ICA1: variants seen among roughly 807,000 people sequenced by gnomAD.
ICA1 encodes the protein islet cell autoantigen 1, also known as 69 kDa islet cell autoantigen.
In ICA1, 40 loss-of-function variants were observed where a neutral mutation model predicts 71.0. That is an observed-to-expected ratio of 0.56 (90% CI 0.44 to 0.73). ICA1 has a LOEUF of 0.73. ICA1 is among the 30% of genes least tolerant of loss of function. The probability of loss-of-function intolerance (pLI) is 0.00; values close to 1 mark genes in which losing one functional copy is unlikely to be tolerated. For synonymous variants in ICA1, 207 were observed against 209.5 expected (o/e 0.99, Z 0.10); for missense variants, 578 against 576.5 (o/e 1.00, Z -0.03).
intron 1 of ICA1, among the ~76,000 whole-genome samples, chr7:8,240,401 C>T (rs1393066030): frequency 6.6e-6 from 1 of 152,106 alleles, no homozygotes; most frequent in South Asian, 2.1e-4. Flanking sequence ...CACACCAAAA[C>T]CCCATCTGTA....
At chr7:8,181,641 C>T (rs950081043) in intron 6 of ICA1, among the ~76,000 whole-genome samples, 2 of 152,098 alleles carry the variant, frequency 1.3e-5, no homozygotes, top group African/African-American at 4.8e-5. Flanking sequence ...CTTTAATTTT[C>T]CTAAGCAATG....
In ICA1 at chr7:8,122,759, G is replaced by A. The variant is rs550104137; in HGVS notation, c.1330+5114C>T. On this transcript the variant is annotated intron_variant, in intron 13 of 13. Transcript: ENST00000402384. ...AGTGGAAATCCATCTAAATGGCAACGGCATCTCAGAATTCGGTAAAACAAA... is the reference window on the plus strand; with the variant it reads ...AGTGGAAATCCATCTAAATGGCAACAGCATCTCAGAATTCGGTAAAACAAA... Among the ~76,000 whole-genome samples, 109 of 152,304 alleles carry A rather than the reference G, an allele frequency of 7.2e-4. 1 individual carries two copies. Among genetic ancestry groups the A allele is most frequent in the African/African-American group, 2.1e-3 (88 of 41,564 alleles).
At chr7:8,257,263 T>A (rs11760721) in intron 1 of ICA1, among the ~76,000 whole-genome samples, 1,910 of 152,336 alleles carry the variant, frequency 0.013, 18 homozygotes, top group Non-Finnish European at 0.021. Flanking sequence ...TATCAGCTTC[T>A]TGGTTTCTGG....
At position 8,144,246 on chromosome 7, in the gene ICA1, T is replaced by G. The variant is rs1021584493; in HGVS notation, c.805-274A>C. The stretch of plus-strand genomic sequence containing the variant: ...GCCACAAGATTTATGTTTTCCATTT[T>G]GTGATAAGTTATTCAAACGTGGCCT... On this transcript the variant is annotated intron_variant, in intron 8 of 13. Transcript: ENST00000402384. The surrounding 1 kb of genome is among the most constrained non-coding windows in gnomAD (Gnocchi z 4.5). 6.6e-6 allele frequency among the ~76,000 whole-genome samples: 1 copy of G among 152,238 alleles called. No individual in the cohort carries two copies. Among genetic ancestry groups the G allele is most frequent in the Non-Finnish European group, 1.5e-5 (1 of 68,044 alleles).
intron 8 of ICA1, among the ~76,000 whole-genome samples, chr7:8,150,800 T>C (rs1350902479): frequency 3.3e-5 from 5 of 152,234 alleles, no homozygotes; most frequent in African/African-American, 1.2e-4. Flanking sequence ...TTTGCAGCTG[T>C]ATTTTTTAAA....
intron 6 of ICA1, among the ~76,000 whole-genome samples, chr7:8,216,947 A>G (rs1052510509): frequency 6.6e-6 from 1 of 152,356 alleles, no homozygotes; most frequent in African/African-American, 2.4e-5. Flanking sequence ...CACCCTCTTC[A>G]TTCTCCTCAA....
intron 6 of ICA1, among the ~76,000 whole-genome samples, chr7:8,165,510 G>A (rs1805595767): frequency 1.3e-5 from 2 of 152,230 alleles, no homozygotes; most frequent in African/African-American, 4.8e-5. Flanking sequence ...CATAATATTG[G>A]AAGTCCTAGC....
intron 13 of ICA1, among the ~76,000 whole-genome samples, chr7:8,126,097 T>C (rs1333012242): frequency 6.6e-6 from 1 of 152,214 alleles, no homozygotes; most frequent in East Asian, 1.9e-4. Context: ...TGTCTGCTGA[T>C]GTGTGTGCAT....
At chr7:8,160,352 C>A (rs1433523711) in intron 6 of ICA1, among the ~76,000 whole-genome samples, 1 of 152,136 alleles carries the variant, frequency 6.6e-6, no homozygotes, top group African/African-American at 2.4e-5. Context: ...ATGTCAGCAT[C>A]ATTCTATTTT....
At chr7:8,126,191 T>C (rs1658144277) in intron 13 of ICA1, among the ~76,000 whole-genome samples, 2 of 152,226 alleles carry the variant, frequency 1.3e-5, no homozygotes, top group Admixed American at 6.5e-5. Flanking sequence ...GTAGGGGCTC[T>C]TGTTTCCAAA....
intron 6 of ICA1, among the ~76,000 whole-genome samples, chr7:8,193,012 A>T (rs904840386): frequency 1.3e-4 from 20 of 152,194 alleles, no homozygotes; most frequent in African/African-American, 4.8e-4. Flanking sequence ...TTTCTCCAAA[A>T]AGCCCTAGTT....
chr7:8,148,991 T>C (rs10274469), intron 8 of ICA1, among the ~76,000 whole-genome samples: 144,750 of 152,252 alleles, frequency 0.95, 68,988 homozygotes, highest in East Asian at 1. Flanking sequence ...AGGTGAATTC[T>C]TCAAATTATT....
At chr7:8,257,374 A>G (rs1810576907) in intron 1 of ICA1, among the ~76,000 whole-genome samples, 1 of 152,216 alleles carries the variant, frequency 6.6e-6, no homozygotes, top group Admixed American at 6.5e-5. Flanking sequence ...TTCTGGGAAC[A>G]GAGATGTGGC....
At chr7:8,138,911 A>G (rs781328034) in intron 11 of ICA1, 30 bp from the exon 12 acceptor site, 1 of 1,600,880 alleles carries the variant, frequency 6.2e-7, no homozygotes, top group African/African-American at 1.3e-5. Context: ...AAACAAAATT[A>G]TAAGTCAGTT....
intron 12 of ICA1, 53 bp downstream of exon 12, chr7:8,138,787 G>T: frequency 7.4e-7 from 1 of 1,351,898 alleles, no homozygotes; most frequent in Non-Finnish European, 1.0e-6. Flanking sequence ...ATGTAAAAGA[G>T]TAATTTAAAA....
chr7:8,196,762 C>T (rs1381973385), intron 6 of ICA1, among the ~76,000 whole-genome samples: 1 of 152,104 alleles, frequency 6.6e-6, no homozygotes, highest in Non-Finnish European at 1.5e-5. Flanking sequence ...CATTCCCACA[C>T]AAATCTTACC....
intron 13 of ICA1, among the ~76,000 whole-genome samples, chr7:8,121,303 G>A (rs768920084): frequency 4.6e-5 from 7 of 152,166 alleles, no homozygotes; most frequent in Non-Finnish European, 1.0e-4. Flanking sequence ...CAGCCAGCAA[G>A]TACTTTTGAA....
At chr7:8,208,187 G>A (rs920165127) in intron 6 of ICA1, among the ~76,000 whole-genome samples, 12 of 152,028 alleles carry the variant, frequency 7.9e-5, no homozygotes, top group African/African-American at 2.7e-4. Flanking sequence ...CTAGTTTTAC[G>A]TAAAAGTGGC....
intron 1 of ICA1, among the ~76,000 whole-genome samples, chr7:8,245,667 C>T (rs1805719524): frequency 6.6e-6 from 1 of 151,984 alleles, no homozygotes. Context: ...CCCAATATAT[C>T]TAAATTATTA....
Sources: allele counts gnomAD v4.1 joint callset (sites outside exome capture counted in the v4.1 genomes callset), GRCh38; gene constraint gnomAD v4.1.1; non-coding constraint Gnocchi (gnomAD v3.1); transcripts MANE v1.5; gene names NCBI Gene and HGNC (gene_info 2026-07-23, HGNC 2026-07-21).